The following GABRB3 variants were observed in gnomAD, a reference collection of about 807,000 sequenced individuals.
The protein encoded by GABRB3 is gamma-aminobutyric acid receptor subunit beta-3.
A neutral mutation model predicts 52.1 loss-of-function variants in GABRB3; 14 were observed. The observed-to-expected ratio is 0.27, with a 90% CI of 0.18 to 0.42. GABRB3 has a LOEUF of 0.42. Among genes scored for constraint, GABRB3 ranks in the 10% least tolerant of loss-of-function variants. The probability of loss-of-function intolerance (pLI) is 1.00; values close to 1 mark genes in which losing one functional copy is unlikely to be tolerated. For synonymous variants in GABRB3, 260 were observed against 232.3 expected, an observed-to-expected ratio of 1.12 and a Z score of -1.08; for missense variants, 307 against 609.1, an observed-to-expected ratio of 0.50 and a Z score of 5.22.
chr15:26,736,765 T>C (rs780529778), intron 3 of GABRB3, among the ~76,000 whole-genome samples: 1 of 152,236 alleles, frequency 6.6e-6, no homozygotes, highest in Non-Finnish European at 1.5e-5. Flanking sequence ...CTTGTGAGGA[T>C]AGGCAGGTAG....
At chr15:26,770,927 T>G (rs1005853202) in intron 3 of GABRB3, among the ~76,000 whole-genome samples, 3 of 152,250 alleles carry the variant, frequency 2.0e-5, no homozygotes, top group African/African-American at 7.2e-5. Flanking sequence ...AGGTAATTTA[T>G]GCAGTCACAT....
At chr15:26,554,021 T>TTTTATTTATATATATA (rs1555400756) in intron 8 of GABRB3, among the ~76,000 whole-genome samples, 13 of 23,684 alleles carry the variant, frequency 5.5e-4, no homozygotes, top group Admixed American at 3.6e-3. Context: ...ACCTGACTAT[T>TTTTATTTATATATATA]TATATATATA....
intron 3 of GABRB3, among the ~76,000 whole-genome samples, chr15:26,720,135 T>A (rs1457680355): frequency 6.6e-6 from 1 of 151,484 alleles, no homozygotes; most frequent in African/African-American, 2.4e-5. Flanking sequence ...GAGCACCTCA[T>A]GACCCCCACT....
chr15:26,659,409 C>G (rs1887471049), intron 3 of GABRB3, among the ~76,000 whole-genome samples: 1 of 152,050 alleles, frequency 6.6e-6, no homozygotes, highest in Non-Finnish European at 1.5e-5. Context: ...TTAATCCCAG[C>G]TACTTGGGAG....
rs1889959975 is a variant in GABRB3 at position 26,560,970 on chromosome 15, T to C, written c.1042A>G (p.Lys348Glu). The C allele has an allele frequency of 6.2e-7, 1 of 1,614,106 alleles. No homozygotes were observed. The highest frequency in any genetic ancestry group is 8.5e-7 in the Non-Finnish European group (1 of 1,179,978). ...RQKKLAEKTAKAKNDRSKSES... is the reference protein window; with the variant it reads ...RQKKLAEKTAEAKNDRSKSES... ...CTCTTTGAACGGTCATTCTTTGCCT[T>C]GGCTGTCTTTTCTGCAAGCTTCTTC... The change falls in exon 8 of 9, where the codon AAG becomes GAG. Residue 348 changes from lysine to glutamate, a missense_variant. Around this residue, in one of 6 missense-constraint regions of GABRB3, gnomAD observed 115 missense variants for 166.9 expected, o/e 0.69. Coordinates refer to ENST00000311550, the MANE Select transcript of GABRB3 (RefSeq NM_000814.6).
At chr15:26,712,178 C>CTT (rs3046011) in intron 3 of GABRB3, among the ~76,000 whole-genome samples, 97 of 146,550 alleles carry the variant, frequency 6.6e-4, no homozygotes, top group South Asian at 4.1e-3. Context: ...ACTTTTCTTT[C>CTT]TTTTTTTTTT....
At chr15:26,605,327 T>G (rs1891748614) in intron 4 of GABRB3, among the ~76,000 whole-genome samples, 1 of 152,176 alleles carries the variant, frequency 6.6e-6, no homozygotes, top group African/African-American at 2.4e-5. Context: ...TGTATGTTAG[T>G]ACAACCACCA....
At chr15:26,761,786 C>T (rs1211418411) in intron 3 of GABRB3, among the ~76,000 whole-genome samples, 4 of 152,100 alleles carry the variant, frequency 2.6e-5, no homozygotes, top group African/African-American at 9.7e-5. Flanking sequence ...CTATTGTTGA[C>T]GCCTCTTGCA....
At chr15:26,726,955 T>C (rs1332610452) in intron 3 of GABRB3, among the ~76,000 whole-genome samples, 1 of 152,146 alleles carries the variant, frequency 6.6e-6, no homozygotes, top group South Asian at 2.1e-4. Context: ...GGTCAGGAGT[T>C]CGAGACCAGC....
At position 26,588,788 on chromosome 15, in the gene GABRB3, T is replaced by A. The variant is rs558238759; in HGVS notation, c.462-5374A>T. Reference sequence around the variant, plus strand: ...AAATGCCGAAAATAAATATTCTACATGCTATTCCTACAGTAATTATAGTGA... The same window carrying A: ...AAATGCCGAAAATAAATATTCTACAAGCTATTCCTACAGTAATTATAGTGA... On this transcript the variant is annotated intron_variant, in intron 4 of 8. Transcript: ENST00000311550. Among the ~76,000 whole-genome samples the A allele has an allele frequency of 6.6e-5, 10 of 152,318 alleles. No individual in the cohort carries two copies. The East Asian group carries it at 1.2e-3, about 18-fold the overall frequency.
At chr15:26,719,270 C>T (rs1889582401) in intron 3 of GABRB3, among the ~76,000 whole-genome samples, 1 of 152,244 alleles carries the variant, frequency 6.6e-6, no homozygotes, top group South Asian at 2.1e-4. Flanking sequence ...GAAGGAACGA[C>T]CCTGCTCAGC....
chr15:26,625,201 GGAGT>G (rs1483263288), intron 3 of GABRB3, among the ~76,000 whole-genome samples: 1 of 152,098 alleles, frequency 6.6e-6, no homozygotes, highest in East Asian at 1.9e-4. Flanking sequence ...ACAATAAAGT[GGAGT>G]GAGCTTGGCA....
intron 3 of GABRB3, among the ~76,000 whole-genome samples, chr15:26,666,171 A>T (rs1282297725): frequency 6.6e-6 from 1 of 152,208 alleles, no homozygotes; most frequent in Non-Finnish European, 1.5e-5. Context: ...GCCAAGTGTG[A>T]TGCTATTTTT....
intron 3 of GABRB3, among the ~76,000 whole-genome samples, chr15:26,730,437 AAAG>A (rs1566821917): frequency 6.6e-6 from 1 of 150,996 alleles, no homozygotes. Context: ...AAAAAAAAAA[AAAG>A]ACTTACAGGA....
intron 3 of GABRB3, among the ~76,000 whole-genome samples, chr15:26,699,595 C>T (rs970983140): frequency 1.3e-5 from 2 of 151,256 alleles, no homozygotes; most frequent in Non-Finnish European, 2.9e-5. Context: ...ACTAGATCCA[C>T]AAAAGATAAC....
chr15:26,613,983 G>C (rs1451023438), intron 4 of GABRB3: 1 of 152,350 alleles, frequency 6.6e-6, no homozygotes, highest in Non-Finnish European at 1.5e-5. Context: ...GGGCATGCCT[G>C]ATGTTTCTGA....
At chr15:26,732,571 A>AAT (rs397968229) in intron 3 of GABRB3, among the ~76,000 whole-genome samples, 156 of 147,874 alleles carry the variant, frequency 1.1e-3, no homozygotes, top group African/African-American at 3.6e-3. Flanking sequence ...TCCCAAAAAA[A>AAT]TTTTTTTTTT....
chr15:26,556,912 AGCT>A (rs201457929), intron 8 of GABRB3, among the ~76,000 whole-genome samples: 2,338 of 152,246 alleles, frequency 0.015, 40 homozygotes, highest in African/African-American at 0.051. Context: ...TGGAGCCAGC[AGCT>A]GTCAGTCAGG....
At chr15:26,658,320 A>T (rs1215108135) in intron 3 of GABRB3, 1 of 152,210 alleles carries the variant, frequency 6.6e-6, no homozygotes, top group African/African-American at 2.4e-5. Context: ...TTGAGGAAAT[A>T]ATAAAACTCC....
Sources: gnomAD v4.1 joint callset for allele counts (sites outside exome capture counted in the v4.1 genomes callset) on GRCh38, gnomAD v4.1.1 for gene constraint, gnomAD v4.1.1 regional missense constraint, MANE v1.5 for transcripts, NCBI Gene and HGNC (gene_info 2026-07-23, HGNC 2026-07-21) for gene names.